Variants in CYFIP2 observed in about 807,000 individuals in gnomAD.
The protein encoded by CYFIP2 is cytoplasmic FMR1-interacting protein 2.
A neutral mutation model predicts 158.7 loss-of-function variants in CYFIP2; 29 were observed. That is an observed-to-expected ratio of 0.18 (90% confidence interval 0.14 to 0.25). The LOEUF (loss-of-function observed/expected upper bound fraction) is 0.25. Ranked by LOEUF, CYFIP2 falls within the 10% of genes least tolerant of loss-of-function variation. The pLI is 1.00. For missense variants in CYFIP2, 852 were observed against 1,639.5 expected, an observed-to-expected ratio of 0.52 and a Z score of 8.29; for synonymous variants, 585 against 617.6, an observed-to-expected ratio of 0.95 and a Z score of 0.78.
intron 18 of CYFIP2, among the ~76,000 whole-genome samples, 199 bp from the exon 19 acceptor site, chr5:157,327,774 G>T (rs1044709408): frequency 6.6e-6 from 1 of 152,104 alleles, no homozygotes; most frequent in Non-Finnish European, 1.5e-5. Context: ...ACTTTGACTT[G>T]TCTGTTCACT....
chr5:157,304,490 A>C, intron 8 of CYFIP2, 124 bp downstream of exon 8: 1 of 1,156,352 alleles, frequency 8.6e-7, no homozygotes, highest in Non-Finnish European at 1.2e-6. Context: ...ATCTTACGGC[A>C]CATAATGGTT....
intron 23 of CYFIP2, among the ~76,000 whole-genome samples, chr5:157,349,600 G>C (rs902729884): frequency 1.3e-5 from 2 of 152,050 alleles, no homozygotes; most frequent in African/African-American, 2.4e-5. Flanking sequence ...TATCCTTTTC[G>C]AATGATTTCC....
intron 9 of CYFIP2, among the ~76,000 whole-genome samples, chr5:157,308,177 T>C (rs965822784): frequency 2.7e-5 from 4 of 150,248 alleles, no homozygotes; most frequent in African/African-American, 7.3e-5. Flanking sequence ...TTTTTTTTTT[T>C]CCTGAAGTCC....
rs200165888 is a variant in CYFIP2 at position 157,342,907 on chromosome 5, C to A, written c.2673+1750C>A. 300 of 1,614,118 alleles carry A rather than the reference C, an allele frequency of 1.9e-4. No homozygotes were observed. Among genetic ancestry groups the A allele is most frequent in the Admixed American group, 3.0e-4 (18 of 60,014 alleles). ...GTATAGCGGGTGGGTCACCACCCCCCCTCTGTAAGGCACCCGCATCAGGGG... is the reference window on the plus strand; with the variant it reads ...GTATAGCGGGTGGGTCACCACCCCCACTCTGTAAGGCACCCGCATCAGGGG... On this transcript the variant is annotated intron_variant, in intron 23 of 30. Transcript: ENST00000620254.
At position 157,347,114 on chromosome 5, in the gene CYFIP2, A is replaced by G. The variant is rs536447312; in HGVS notation, c.2673+5957A>G. Reference sequence around the variant, plus strand: ...CTTTTCTCTTCTTGGTTCTTGGCCAAAGTATCCAAGTTAACCCATGAAGGT... The same window carrying G: ...CTTTTCTCTTCTTGGTTCTTGGCCAGAGTATCCAAGTTAACCCATGAAGGT... On this transcript the variant is annotated intron_variant, in intron 23 of 30. Coordinates refer to ENST00000620254, the MANE Select transcript of CYFIP2 (RefSeq NM_001037333.3). Among the ~76,000 whole-genome samples the G allele has an allele frequency of 9.9e-5, 15 of 152,264 alleles. No individual in the cohort carries two copies. In the South Asian group the frequency reaches 2.7e-3, roughly 27 times the overall value.
At chr5:157,287,306 G>A (rs1757472119) in intron 3 of CYFIP2, among the ~76,000 whole-genome samples, 198 bp downstream of exon 3, 1 of 152,140 alleles carries the variant, frequency 6.6e-6, no homozygotes, top group Non-Finnish European at 1.5e-5. Flanking sequence ...CCCCTTTATT[G>A]TCCAGCTTTG....
At chr5:157,283,224 C>A (rs1757128418) in intron 1 of CYFIP2, among the ~76,000 whole-genome samples, 3 of 152,136 alleles carry the variant, frequency 2.0e-5, no homozygotes, top group Admixed American at 1.3e-4. Flanking sequence ...TAGTACCTAC[C>A]TTTATAGGGT....
chr5:157,308,087 C>T (rs1759394252), intron 9 of CYFIP2, among the ~76,000 whole-genome samples: 1 of 151,952 alleles, frequency 6.6e-6, no homozygotes, highest in African/African-American at 2.4e-5. Flanking sequence ...GCATGAAAGC[C>T]ACACATCGTT....
At chr5:157,377,165 C>T (rs1417623234) in intron 26 of CYFIP2, among the ~76,000 whole-genome samples, 1 of 151,822 alleles carries the variant, frequency 6.6e-6, no homozygotes, top group Non-Finnish European at 1.5e-5. Flanking sequence ...CCCTTGCAAC[C>T]AGAAGGTGAA....
chr5:157,274,221 G>A (rs1185876743), intron 1 of CYFIP2, among the ~76,000 whole-genome samples: 1 of 150,922 alleles, frequency 6.6e-6, no homozygotes, highest in Non-Finnish European at 1.5e-5. Flanking sequence ...GAGCATTTTA[G>A]CACCCCAAAA....
Position 157,266,331 on chromosome 5 carries a change from T to C in CYFIP2, c.-24+136T>C, listed in dbSNP as rs1485483049. 2.0e-5 allele frequency: 3 copies of C among 151,298 alleles called. No individual in the cohort carries two copies. The highest frequency in any genetic ancestry group is 7.3e-5 in the African/African-American group (3 of 41,318). 9.4% of individuals were successfully genotyped at this position (151,298 alleles called of 1,614,324 possible). ...GGGGCGCTCGGCGCTGTGCCCGGGC[T>C]AGCCCGAGGCCCGGCCTCAGGCCCC... On this transcript the variant is annotated intron_variant, in intron 1 of 30. Transcript: ENST00000620254. The surrounding 1 kb of genome is among the most constrained non-coding windows in gnomAD (Gnocchi z 4.2).
In CYFIP2 at chr5:157,319,944, C is replaced by G; in HGVS notation, c.1523+16C>G. The G allele has an allele frequency of 6.2e-7, 1 of 1,612,528 alleles. No individual in the cohort carries two copies. The highest frequency in any genetic ancestry group is 8.5e-7 in the Non-Finnish European group (1 of 1,178,914). ...TCCTCATCAGGTGGGTTTTCAGATGCCTTCAGGAGCATATCAGACATAAGC... is the reference window on the plus strand; with the variant it reads ...TCCTCATCAGGTGGGTTTTCAGATGGCTTCAGGAGCATATCAGACATAAGC... On this transcript the variant is annotated intron_variant, in intron 14 of 30. Coordinates refer to ENST00000620254, the MANE Select transcript of CYFIP2 (RefSeq NM_001037333.3).
intron 23 of CYFIP2, among the ~76,000 whole-genome samples, chr5:157,344,187 T>C (rs1561749140): frequency 6.6e-6 from 1 of 152,210 alleles, no homozygotes; most frequent in Non-Finnish European, 1.5e-5. Flanking sequence ...ATTTTATGGG[T>C]GAAGATAATC....
At chr5:157,343,013 A>G (rs985000093) in intron 23 of CYFIP2, 2 of 1,614,216 alleles carry the variant, frequency 1.2e-6, no homozygotes, top group African/African-American at 2.7e-5. Flanking sequence ...GAGCCCCTGC[A>G]GGTCTTCCTC....
rs758011939 is a variant in CYFIP2, at chr5:157,360,383, G to A, written c.2908+11G>A. 4 of 1,611,180 alleles carry A rather than the reference G, an allele frequency of 2.5e-6. No homozygotes were observed. The highest frequency in any genetic ancestry group is 1.1e-5 in the South Asian group (1 of 90,814). ...AGTATGGCTCCCCAGGTTGGTGATA[G>A]CAAAACAATCCAGACCCCTCCCATG... is the stretch of plus-strand genomic sequence containing the variant. On this transcript the variant is annotated intron_variant, in intron 25 of 30. Coordinates refer to ENST00000620254, the MANE Select transcript of CYFIP2 (RefSeq NM_001037333.3).
At position 157,304,359 on chromosome 5, in the gene CYFIP2, T is replaced by A. The variant is rs1742836005; in HGVS notation, c.788T>A (p.Leu263His). The change falls in exon 8 of 31, where the codon CTC becomes CAC. Residue 263 changes from leucine (L) to histidine (H), a missense_variant. Around this residue, in one of 8 missense-constraint regions of CYFIP2, gnomAD observed 133 missense variants for 197.1 expected, o/e 0.67. Transcript: ENST00000620254. ...CTGACTCCCAGTGAGAAACATATGC[T>A]CCTCAAGGTAAAACTCCCCTGAGGC... ...MYLTPSEKHM[L>H]LKVMGFGLYL... 6.2e-7 allele frequency: 1 copy of A among 1,613,324 alleles called. No individual in the cohort carries two copies. The highest frequency in any genetic ancestry group is 1.7e-5 in the Admixed American group (1 of 59,976).
At chr5:157,348,905 G>A (rs1039422912) in intron 23 of CYFIP2, among the ~76,000 whole-genome samples, 4 of 149,044 alleles carry the variant, frequency 2.7e-5, no homozygotes, top group African/African-American at 5.0e-5. Context: ...AACCAAGATC[G>A]CACCACTGCA....
intron 28 of CYFIP2, among the ~76,000 whole-genome samples, chr5:157,383,755 A>C (rs1379392156): frequency 6.6e-6 from 1 of 152,270 alleles, no homozygotes; most frequent in East Asian, 1.9e-4. Flanking sequence ...TGCTTATGTA[A>C]CATTGTTTGT....
chr5:157,373,224 T>C (rs1765156030), intron 26 of CYFIP2, among the ~76,000 whole-genome samples: 1 of 152,160 alleles, frequency 6.6e-6, no homozygotes, highest in South Asian at 2.1e-4. Flanking sequence ...CCCAACCACA[T>C]GGCATACTTT....
Sources: gnomAD v4.1 joint callset for allele counts (sites outside exome capture counted in the v4.1 genomes callset) on GRCh38, gnomAD v4.1.1 for gene constraint, gnomAD v4.1.1 regional missense constraint, Gnocchi (gnomAD v3.1) non-coding constraint, MANE v1.5 for transcripts, NCBI Gene and HGNC (gene_info 2026-07-23, HGNC 2026-07-21) for gene names.